TAGLN: variants seen among roughly 807,000 people sequenced by gnomAD.
TAGLN encodes the protein 22 kDa actin-binding protein.
In TAGLN, 16 loss-of-function variants were observed where a neutral mutation model predicts 21.9. The ratio of observed to expected loss-of-function variants is 0.73; its 90% confidence interval spans 0.49 to 1.11. The LOEUF (loss-of-function observed/expected upper bound fraction) is 1.11. TAGLN is among the 50% of genes least tolerant of loss of function. The pLI is 0.00. For missense variants in TAGLN, 248 were observed against 263.2 expected, an observed-to-expected ratio of 0.94 and a Z score of 0.40; for synonymous variants, 96 against 94.9, an observed-to-expected ratio of 1.01 and a Z score of -0.06.
chr11:117,200,563 G>C (rs1451979549), intron 1 of TAGLN, among the ~76,000 whole-genome samples: 1 of 152,162 alleles, frequency 6.6e-6, no homozygotes. Flanking sequence ...CAGGACTCGG[G>C]AGGCTTCATC....
Position 117,204,408 on chromosome 11 carries a change from G to A in TAGLN, c.*49G>A, listed in dbSNP as rs2031248388. 3.1e-6 allele frequency: 5 copies of A among 1,613,024 alleles called. No individual in the cohort carries two copies. The highest frequency in any genetic ancestry group is 1.3e-5 in the African/African-American group (1 of 74,928). ...CCGGCCCTCCCCCAGCTCCTTGGCTGCAGCCATCCCGCTTAGCCTGCCTCA... is the reference window on the plus strand; with the variant it reads ...CCGGCCCTCCCCCAGCTCCTTGGCTACAGCCATCCCGCTTAGCCTGCCTCA... On this transcript the variant is annotated 3_prime_UTR_variant, in exon 5 of 5. Transcript: ENST00000392951.
Position 117,205,222 on chromosome 11 carries a change from C to T in TAGLN, c.*863C>T. 8.6e-6 allele frequency: 2 copies of T among 233,666 alleles called. No individual in the cohort carries two copies. The highest frequency in any genetic ancestry group is 1.2e-4 in the East Asian group (2 of 16,570). The allele number at this position is 233,666 out of a possible 1,614,324, so 14.5% of individuals were successfully genotyped here. On this transcript the variant is annotated 3_prime_UTR_variant, in exon 5 of 5. Transcript: ENST00000392951. The stretch of plus-strand genomic sequence containing the variant: ...AGAAGGCCAAGGTTGAGAGAAGAGT[C>T]ACAGCCTGTCAGGCAGATAGCTGGC...
At position 117,206,242 on chromosome 11, in the gene TAGLN, G is replaced by A. The variant is rs772964892; in HGVS notation, c.*1883G>A. On this transcript the variant is annotated 3_prime_UTR_variant, in exon 5 of 5. Coordinates refer to ENST00000392951, the MANE Select transcript of TAGLN (RefSeq NM_003186.5). ...GCTTTCCGGCTCCGATGGGGCCAGT[G>A]GCAGGGTCCACTCCTACAAACTTGA... 7 of 1,614,032 alleles carry A rather than the reference G, an allele frequency of 4.3e-6. No homozygotes were observed. Among genetic ancestry groups the A allele is most frequent in the South Asian group, 3.3e-5 (3 of 91,086 alleles).
Position 117,204,459 on chromosome 11 carries a change from C to A in TAGLN, c.*100C>A. The A allele has an allele frequency of 6.4e-7, 1 of 1,564,358 alleles. No homozygotes were observed. The highest frequency in any genetic ancestry group is 8.7e-7 in the Non-Finnish European group (1 of 1,145,790). On this transcript the variant is annotated 3_prime_UTR_variant, in exon 5 of 5. Transcript: ENST00000392951. ...CCCACACCCGTGTGGTACCTTCAGCCCTGGCCAAGCTTTGAGGCTCTGTCA... is the reference window on the plus strand; with the variant it reads ...CCCACACCCGTGTGGTACCTTCAGCACTGGCCAAGCTTTGAGGCTCTGTCA...
chr11:117,204,759 TCA>T lies in TAGLN; in HGVS notation c.*401_*402del. The T allele has an allele frequency of 7.2e-5, 10 of 138,948 alleles. No homozygotes were observed. The highest frequency in any genetic ancestry group is 4.4e-4 in the South Asian group (3 of 6,754). 8.6% of individuals were successfully genotyped at this position (138,948 alleles called of 1,614,324 possible). The stretch of plus-strand genomic sequence containing the variant: ...CCTGGAATATTTTTGGGGTTGGAAC[TCA>T]AAAAAAAAAAAAAAAAATCAATCTT... On this transcript the variant is annotated 3_prime_UTR_variant, in exon 5 of 5. Coordinates refer to ENST00000392951, the MANE Select transcript of TAGLN (RefSeq NM_003186.5).
At position 117,203,159 on chromosome 11, in the gene TAGLN, G is replaced by A. The variant is rs1364593809; in HGVS notation, c.146G>A (p.Arg49His). The A allele has an allele frequency of 9.4e-6, 15 of 1,594,070 alleles. No individual in the cohort carries two copies. Among genetic ancestry groups the A allele is most frequent in the Non-Finnish European group, 1.3e-5 (15 of 1,167,986 alleles). ...GPDVGRPDRG[R>H]LGFQVWLKNG... ...GATGTGGGCCGCCCAGACCGTGGGCGCTTGGGCTTCCAGGTCTGGCTGAAG... is the reference window on the plus strand; with the variant it reads ...GATGTGGGCCGCCCAGACCGTGGGCACTTGGGCTTCCAGGTCTGGCTGAAG... The change falls in exon 2 of 5, where the codon CGC becomes CAC. Residue 49 changes from arginine (R) to histidine (H), a missense_variant. Physicochemically the swap from Arg to His is conservative, Grantham distance 29. Coordinates refer to ENST00000392951, the MANE Select transcript of TAGLN (RefSeq NM_003186.5). This position sits in a 1 kb window ranked among gnomAD's most constrained non-coding sequence, Gnocchi z 4.4.
Position 117,203,120 on chromosome 11 carries a change from T to A in TAGLN, c.107T>A (p.Val36Glu), listed in dbSNP as rs763912841. 8 of 1,611,922 alleles carry A rather than the reference T, an allele frequency of 5.0e-6. No homozygotes were observed. The Admixed American group carries it at 5.0e-5, about 10-fold the overall frequency. Residue 36 changes from valine (V) to glutamate (E), a missense_variant, in exon 2 of 5, where the codon GTG (valine) becomes GAG (glutamate). Coordinates refer to ENST00000392951, the MANE Select transcript of TAGLN (RefSeq NM_003186.5). This position sits in a 1 kb window ranked among gnomAD's most constrained non-coding sequence, Gnocchi z 4.4. ...LEERLVEWII[V>E]QCGPDVGRPD... ...GAGCGGCTGGTGGAGTGGATCATAG[T>A]GCAGTGTGGCCCTGATGTGGGCCGC...
rs771398083 is a variant in TAGLN at position 117,203,911 on chromosome 11, CT to C, written c.461+28del. 4 of 1,583,524 alleles carry C rather than the reference CT, an allele frequency of 2.5e-6. No individual in the cohort carries two copies. The highest frequency in any genetic ancestry group is 3.5e-6 in the Non-Finnish European group (4 of 1,152,444). ...TATGTGGCCCCCAGGGAGCTTGGGT[CT>C]CCGCATGGGGTGGGAGGTGGCTTGT... On this transcript the variant is annotated intron_variant, in intron 4 of 4. Transcript: ENST00000392951. The surrounding 1 kb of genome is among the most constrained non-coding windows in gnomAD (Gnocchi z 4.4).
At chr11:117,202,919 G>A in intron 1 of TAGLN, 83 bp from the exon 2 acceptor site, 1 of 1,343,196 alleles carries the variant, frequency 7.4e-7, no homozygotes, top group South Asian at 1.5e-5. Context: ...CCTGCACAGA[G>A]CTAGAAGGCT....
In TAGLN at chr11:117,204,318, G is replaced by A. The variant is rs145184469; in HGVS notation, c.565G>A (p.Gly189Ser). 1.9e-5 allele frequency: 30 copies of A among 1,614,118 alleles called. No homozygotes were observed. The highest frequency in any genetic ancestry group is 4.5e-5 in the East Asian group (2 of 44,890). ...MGSNRGASQA[G>S]MTGYGRPRQI... is the part of the protein sequence containing the mutation. ...CAGCAACAGAGGGGCCTCCCAGGCC[G>A]GCATGACAGGCTACGGACGACCTCG... The change falls in exon 5 of 5, where the codon GGC (glycine) becomes AGC (serine). Residue 189 changes from glycine (G) to serine (S), a missense_variant. By Grantham distance (56) the Gly-to-Ser change is moderately conservative. Transcript: ENST00000392951.
rs553126836 is a variant in TAGLN at position 117,205,682 on chromosome 11, A to G, written c.*1323A>G. The G allele has an allele frequency of 1.1e-3, 317 of 294,704 alleles. 3 individuals are homozygous for G. Among genetic ancestry groups the G allele is most frequent in the African/African-American group, 6.1e-3 (288 of 47,122 alleles). The allele number at this position is 294,704 out of a possible 1,614,324, so 18.3% of individuals were successfully genotyped here. The stretch of plus-strand genomic sequence containing the variant: ...ACTTATATGTGGGAAGGGGTCCCCC[A>G]TGCTTGGGGGACCTAGGCAGCTGGC... On this transcript the variant is annotated 3_prime_UTR_variant, in exon 5 of 5. Transcript: ENST00000392951.
chr11:117,204,180 C>G, intron 4 of TAGLN, 35 bp from the exon 5 acceptor site: 1 of 1,613,602 alleles, frequency 6.2e-7, no homozygotes, highest in South Asian at 1.1e-5. Flanking sequence ...ACACACAGTT[C>G]TACCAAGTCT....
Position 117,204,573 on chromosome 11 carries a change from C to A in TAGLN, c.*214C>A. 1 of 722,440 alleles carries A rather than the reference C, an allele frequency of 1.4e-6. No homozygotes were observed. Among genetic ancestry groups the A allele is most frequent in the Non-Finnish European group, 2.4e-6 (1 of 418,338 alleles). The allele number at this position is 722,440 out of a possible 1,614,324, so 44.8% of individuals were successfully genotyped here. ...TACCCGAAAGCATCACTGCCTTGGC[C>A]CCTCCCTCCCGGCTGCCCCCATCAC... On this transcript the variant is annotated 3_prime_UTR_variant, in exon 5 of 5. Coordinates refer to ENST00000392951, the MANE Select transcript of TAGLN (RefSeq NM_003186.5).
In TAGLN at chr11:117,203,398, T is replaced by C. The variant is rs758500974; in HGVS notation, c.272T>C (p.Met91Thr). 2.5e-6 allele frequency: 4 copies of C among 1,614,188 alleles called. No homozygotes were observed. The highest frequency in any genetic ancestry group is 2.2e-5 in the East Asian group (1 of 44,882). The change falls in exon 3 of 5, where the codon ATG becomes ACG. Residue 91 changes from methionine to threonine, a missense_variant. Met to Thr is a moderately conservative substitution (Grantham distance 81). Transcript: ENST00000392951. The surrounding 1 kb of genome is among the most constrained non-coding windows in gnomAD (Gnocchi z 4.4). ...ENPPSMVFKQ[M>T]EQVAQFLKAA... ...CCACCCTCCATGGTCTTCAAGCAGA[T>C]GGAGCAGGTGGCTCAGTTCCTGAAG...
Position 117,203,858 on chromosome 11 carries a change from C to T in TAGLN, c.435C>T (p.Tyr145=), listed in dbSNP as rs758299291. The T allele has an allele frequency of 3.7e-6, 6 of 1,614,046 alleles. No individual in the cohort carries two copies. Among genetic ancestry groups the T allele is most frequent in the Non-Finnish European group, 4.2e-6 (5 of 1,179,976 alleles). ...CAGTGACCAAGAATGATGGGCACTA[C>T]CGTGGAGATCCCAACTGGTTTATGA... is the stretch of plus-strand genomic sequence containing the variant. ...SLAVTKNDGH[Y]RGDPNWFMKK... is the part of the protein sequence containing the mutation. Residue 145 remains tyrosine, a synonymous_variant, in exon 4 of 5, where the codon TAC becomes TAT. Transcript: ENST00000392951. The surrounding 1 kb of genome is among the most constrained non-coding windows in gnomAD (Gnocchi z 4.4).
Position 117,204,575 on chromosome 11 carries a change from CT to C in TAGLN, c.*217del. 2.8e-6 allele frequency: 2 copies of C among 716,624 alleles called. No individual in the cohort carries two copies. Among genetic ancestry groups the C allele is most frequent in the Non-Finnish European group, 2.4e-6 (1 of 413,834 alleles). 44.4% of individuals were successfully genotyped at this position (716,624 alleles called of 1,614,324 possible). A position where few individuals can be genotyped will look rare whatever the true frequency, so the allele number is the denominator to read the frequency against. ...CCCGAAAGCATCACTGCCTTGGCCC[CT>C]CCCTCCCGGCTGCCCCCATCACCTC... On this transcript the variant is annotated 3_prime_UTR_variant, in exon 5 of 5. Transcript: ENST00000392951.
chr11:117,204,237 G>A lies in TAGLN; in HGVS notation c.484G>A (p.Glu162Lys). The change falls in exon 5 of 5, where the codon GAA becomes AAA. Residue 162 changes from glutamate to lysine, a missense_variant. By Grantham distance (56) the Glu-to-Lys change is moderately conservative (BLOSUM62 1). Transcript: ENST00000392951. ...FMKKAQEHKR[E>K]FTESQLQEGK... is the part of the protein sequence containing the mutation. ...TAGGAAAGCGCAGGAGCATAAGAGG[G>A]AATTCACAGAGAGCCAGCTGCAGGA... The A allele has an allele frequency of 1.2e-6, 2 of 1,614,228 alleles. No homozygotes were observed. The highest frequency in any genetic ancestry group is 1.7e-6 in the Non-Finnish European group (2 of 1,180,034).
chr11:117,204,371 C>G lies in TAGLN; in HGVS notation c.*12C>G, dbSNP rs2031245893. ...AGATCATCAGTTAGAGCGGAGAGGGCTAGCCCTGAGCCCGGCCCTCCCCCA... is the reference window on the plus strand; with the variant it reads ...AGATCATCAGTTAGAGCGGAGAGGGGTAGCCCTGAGCCCGGCCCTCCCCCA... On this transcript the variant is annotated 3_prime_UTR_variant, in exon 5 of 5. Transcript: ENST00000392951. The G allele has an allele frequency of 6.2e-7, 1 of 1,614,230 alleles. No individual in the cohort carries two copies. Among genetic ancestry groups the G allele is most frequent in the Non-Finnish European group, 8.5e-7 (1 of 1,180,028 alleles).
Position 117,206,263 on chromosome 11 carries a change from C to G in TAGLN, c.*1904C>G. ...CAGTGGCAGGGTCCACTCCTACAAA[C>G]TTGATTGGAAGCCACATTCCTCTGG... is the stretch of plus-strand genomic sequence containing the variant. On this transcript the variant is annotated 3_prime_UTR_variant, in exon 5 of 5. Coordinates refer to ENST00000392951, the MANE Select transcript of TAGLN (RefSeq NM_003186.5). 1 of 1,614,056 alleles carries G rather than the reference C, an allele frequency of 6.2e-7. No individual in the cohort carries two copies. The highest frequency in any genetic ancestry group is 2.2e-5 in the East Asian group (1 of 44,898).
Sources: gnomAD v4.1 joint callset for allele counts (sites outside exome capture counted in the v4.1 genomes callset) on GRCh38, gnomAD v4.1.1 for gene constraint, Gnocchi (gnomAD v3.1) non-coding constraint, MANE v1.5 for transcripts, NCBI Gene and HGNC (gene_info 2026-07-23, HGNC 2026-07-21) for gene names.